Variants in GRB14 observed in about 807,000 individuals in gnomAD.
GRB14 encodes the protein growth factor receptor-bound protein 14.
GRB14 carries 38 observed loss-of-function variants against 69.1 expected under a neutral mutation model. That is an observed-to-expected ratio of 0.55 (90% CI 0.42 to 0.72). The LOEUF (loss-of-function observed/expected upper bound fraction) is 0.72. Among genes scored for constraint, GRB14 ranks in the 30% least tolerant of loss-of-function variants. The pLI is 0.00. For synonymous variants in GRB14, 247 were observed against 241.3 expected, an observed-to-expected ratio of 1.02 and a Z score of -0.22; for missense variants, 666 against 666.1, an observed-to-expected ratio of 1.00 and a Z score of 0.00.
chr2:164,568,922 T>C (rs983699582), intron 2 of GRB14, among the ~76,000 whole-genome samples: 17 of 152,314 alleles, frequency 1.1e-4, no homozygotes, highest in African/African-American at 4.1e-4. Flanking sequence ...TGTTAATTTC[T>C]ATGGTATAAT....
chr2:164,546,134 GA>G (rs1201259094), intron 3 of GRB14, among the ~76,000 whole-genome samples: 2 of 152,084 alleles, frequency 1.3e-5, no homozygotes, highest in African/African-American at 2.4e-5. Context: ...AAATTATTAT[GA>G]AATGTATTCT....
Position 164,621,408 on chromosome 2 carries a change from C to G in GRB14, c.-99G>C, listed in dbSNP as rs985640258. 4 of 1,033,308 alleles carry G rather than the reference C, an allele frequency of 3.9e-6. No individual in the cohort carries two copies. In the African/African-American group the frequency reaches 6.6e-5, roughly 17 times the overall value. The allele number at this position is 1,033,308 out of a possible 1,614,324, so 64.0% of individuals were successfully genotyped here. ...CGAGGTGCCGGCTAGGCAGCCCGAGCGCTCTGCAGGTGTGGTGGCCTCGCC... is the reference window on the plus strand; with the variant it reads ...CGAGGTGCCGGCTAGGCAGCCCGAGGGCTCTGCAGGTGTGGTGGCCTCGCC... On this transcript the variant is annotated 5_prime_UTR_variant, in exon 1 of 14. Transcript: ENST00000263915. This position sits in a 1 kb window ranked among gnomAD's most constrained non-coding sequence, Gnocchi z 6.0.
At chr2:164,605,723 T>A (rs567328834) in intron 2 of GRB14, among the ~76,000 whole-genome samples, 2 of 152,340 alleles carry the variant, frequency 1.3e-5, no homozygotes, top group South Asian at 2.1e-4. Context: ...AGTTGAGAGC[T>A]ATTTCCTGCC....
intron 3 of GRB14, among the ~76,000 whole-genome samples, chr2:164,531,334 G>A (rs979279485): frequency 3.3e-5 from 5 of 152,156 alleles, no homozygotes; most frequent in South Asian, 2.1e-4. Flanking sequence ...TGCTAAGCAC[G>A]GTATCTGTAT....
intron 6 of GRB14, among the ~76,000 whole-genome samples, chr2:164,512,692 C>T (rs1020784876): frequency 2.0e-5 from 3 of 152,166 alleles, no homozygotes; most frequent in Non-Finnish European, 4.4e-5. Context: ...ATAAGACCCA[C>T]ACACAAGAAC....
chr2:164,520,416 A>G (rs987510698), intron 6 of GRB14, among the ~76,000 whole-genome samples: 9 of 152,112 alleles, frequency 5.9e-5, no homozygotes, highest in African/African-American at 1.9e-4. Context: ...AGAAGATAAC[A>G]TCAGAAAAAC....
At chr2:164,516,099 G>A (rs1687477831) in intron 6 of GRB14, among the ~76,000 whole-genome samples, 1 of 151,954 alleles carries the variant, frequency 6.6e-6, no homozygotes, top group South Asian at 2.1e-4. Context: ...AAGAACTGGT[G>A]TTCCCGAGGA....
chr2:164,546,249 A>G (rs985978235), intron 3 of GRB14, among the ~76,000 whole-genome samples: 13 of 152,206 alleles, frequency 8.5e-5, no homozygotes, highest in African/African-American at 3.1e-4. Context: ...ACTTTGCGCT[A>G]CTTTCTTTCT....
At chr2:164,619,126 T>C (rs1215742693) in intron 2 of GRB14, among the ~76,000 whole-genome samples, 1 of 152,208 alleles carries the variant, frequency 6.6e-6, no homozygotes, top group East Asian at 1.9e-4. Context: ...AGTCTTCTAA[T>C]TATCACTACG....
intron 2 of GRB14, among the ~76,000 whole-genome samples, chr2:164,580,641 T>C (rs1178348123): frequency 2.0e-5 from 3 of 151,144 alleles, no homozygotes; most frequent in Non-Finnish European, 1.5e-5. Context: ...GAGGTGGAGG[T>C]TGCAGTGAGC....
At chr2:164,496,936 T>C (rs560175155) in intron 12 of GRB14, 72 bp downstream of exon 12, 38 of 1,177,974 alleles carry the variant, frequency 3.2e-5, no homozygotes, top group South Asian at 2.4e-4. Context: ...TTTGTGGCTA[T>C]GGAATAAATA....
At chr2:164,580,629 G>A (rs543179929) in intron 2 of GRB14, among the ~76,000 whole-genome samples, 12 of 151,682 alleles carry the variant, frequency 7.9e-5, no homozygotes, top group African/African-American at 1.5e-4. Flanking sequence ...GCTTGAACCC[G>A]AGAGGTGGAG....
chr2:164,524,828 T>C (rs1238826433), intron 5 of GRB14, among the ~76,000 whole-genome samples, 176 bp downstream of exon 5: 2 of 152,060 alleles, frequency 1.3e-5, no homozygotes, highest in Admixed American at 6.6e-5. Context: ...AAGAGCTTTA[T>C]TGATTTAGGA....
chr2:164,497,195 C>T lies in GRB14; in HGVS notation c.1294+16G>A, dbSNP rs201505478. On this transcript the variant is annotated intron_variant, in intron 11 of 13. Coordinates refer to ENST00000263915, the MANE Select transcript of GRB14 (RefSeq NM_004490.3). ...CTATCCGTCTACTCAGTGGCAATGA[C>T]TATGAACAGACATACCCATGTTTGT... 9 of 1,609,534 alleles carry T rather than the reference C, an allele frequency of 5.6e-6. No homozygotes were observed. In the East Asian group the frequency reaches 2.0e-4, roughly 36 times the overall value.
At chr2:164,506,084 A>T (rs547746767) in intron 8 of GRB14, among the ~76,000 whole-genome samples, 1 of 152,278 alleles carries the variant, frequency 6.6e-6, no homozygotes, top group African/African-American at 2.4e-5. Context: ...ACCAAAAACC[A>T]CAAGAAATTT....
intron 3 of GRB14, among the ~76,000 whole-genome samples, chr2:164,531,215 G>T (rs1327921800): frequency 6.6e-6 from 1 of 152,194 alleles, no homozygotes; most frequent in Non-Finnish European, 1.5e-5. Context: ...TACCAAGGGG[G>T]AAGTTGCATC....
chr2:164,525,830 T>C lies in GRB14; in HGVS notation c.604-752A>G, dbSNP rs184485542. Among the ~76,000 whole-genome samples the C allele has an allele frequency of 2.0e-5, 3 of 152,176 alleles. No individual in the cohort carries two copies. In the East Asian group the frequency reaches 5.8e-4, roughly 29 times the overall value. ...TGAGGGGGGGCACTCCTGCATATTA[T>C]AGATGTTTAGAGTATTCCTATCCTC... is the stretch of plus-strand genomic sequence containing the variant. On this transcript the variant is annotated intron_variant, in intron 4 of 13. Coordinates refer to ENST00000263915, the MANE Select transcript of GRB14 (RefSeq NM_004490.3).
chr2:164,537,702 A>C (rs1688114357), intron 3 of GRB14, among the ~76,000 whole-genome samples: 1 of 152,172 alleles, frequency 6.6e-6, no homozygotes, highest in South Asian at 2.1e-4. Context: ...AGAAGAAAAA[A>C]TCAGCTGAAT....
intron 2 of GRB14, among the ~76,000 whole-genome samples, chr2:164,548,386 A>ATGTG (rs141142342): frequency 4.6e-5 from 7 of 150,732 alleles, no homozygotes; most frequent in East Asian, 1.9e-4. Flanking sequence ...GTGTATCTGT[A>ATGTG]TGTGTGTGTG....
Sources: gnomAD v4.1 joint callset for allele counts (sites outside exome capture counted in the v4.1 genomes callset) on GRCh38, gnomAD v4.1.1 for gene constraint, Gnocchi (gnomAD v3.1) non-coding constraint, MANE v1.5 for transcripts, NCBI Gene and HGNC (gene_info 2026-07-23, HGNC 2026-07-21) for gene names.